Variants in TMEM232 observed in about 807,000 individuals in gnomAD.
TMEM232 encodes transmembrane protein 232.
TMEM232 carries 80 observed loss-of-function variants against 78.8 expected under a neutral mutation model. That is an observed-to-expected ratio of 1.01 (90% CI 0.85 to 1.22). TMEM232 has a LOEUF of 1.22. TMEM232 is among the 50% of genes most tolerant of loss of function. The pLI, the probability that TMEM232 is intolerant of heterozygous loss-of-function variation, is 0.00. For synonymous variants in TMEM232, 297 were observed against 254.3 expected, an observed-to-expected ratio of 1.17 and a Z score of -1.60; for missense variants, 881 against 742.2, an observed-to-expected ratio of 1.19 and a Z score of -2.17.
intron 12 of TMEM232, among the ~76,000 whole-genome samples, chr5:110,507,184 T>C (rs1485380082): frequency 3.3e-5 from 5 of 152,158 alleles, no homozygotes; most frequent in Non-Finnish European, 7.4e-5. Context: ...AACTGAACAA[T>C]ATAGGGGAAG....
intron 11 of TMEM232, among the ~76,000 whole-genome samples, chr5:110,529,543 G>A (rs754112993): frequency 1.3e-4 from 19 of 151,950 alleles, no homozygotes; most frequent in Non-Finnish European, 4.4e-5. Flanking sequence ...CACCATGCCC[G>A]GCCAAACAGA....
chr5:110,535,747 A>G (rs1772253489), intron 11 of TMEM232, among the ~76,000 whole-genome samples: 1 of 152,130 alleles, frequency 6.6e-6, no homozygotes, highest in African/African-American at 2.4e-5. Context: ...CAAAAAAATG[A>G]TGTCTTCTCA....
chr5:110,394,148 T>G (rs889590416), intron 3 of TMEM232, among the ~76,000 whole-genome samples: 20 of 152,262 alleles, frequency 1.3e-4, no homozygotes, highest in African/African-American at 4.6e-4. Context: ...TCTTTCTCCA[T>G]AAGTTCAATT....
chr5:110,697,153 A>C (rs1169576019), intron 1 of TMEM232, among the ~76,000 whole-genome samples: 1 of 152,194 alleles, frequency 6.6e-6, no homozygotes, highest in African/African-American at 2.4e-5. Flanking sequence ...GCATATCTGC[A>C]ACCATCTGAT....
At chr5:110,678,742 C>A (rs1384473492) in intron 1 of TMEM232, among the ~76,000 whole-genome samples, 1 of 151,750 alleles carries the variant, frequency 6.6e-6, no homozygotes, top group African/African-American at 2.4e-5. Flanking sequence ...TGTAGTTTTG[C>A]CTTTTCCAGA....
At chr5:110,520,541 C>G (rs1220418999) in intron 12 of TMEM232, among the ~76,000 whole-genome samples, 1 of 152,158 alleles carries the variant, frequency 6.6e-6, no homozygotes, top group East Asian at 1.9e-4. Flanking sequence ...TAACAGGACA[C>G]TATTAGACTA....
chr5:110,493,634 T>A (rs1580919355), intron 12 of TMEM232, among the ~76,000 whole-genome samples: 1 of 151,992 alleles, frequency 6.6e-6, no homozygotes, highest in Non-Finnish European at 1.5e-5. Flanking sequence ...ATGGAAAAAA[T>A]AACCTTAGAT....
chr5:110,439,638 G>A (rs758917982), intron 12 of TMEM232, among the ~76,000 whole-genome samples: 1 of 151,972 alleles, frequency 6.6e-6, no homozygotes, highest in Non-Finnish European at 1.5e-5. Context: ...TCCATATACA[G>A]TTCCTGTTGG....
chr5:110,433,012 C>A (rs1192274561), intron 12 of TMEM232, among the ~76,000 whole-genome samples: 1 of 151,710 alleles, frequency 6.6e-6, no homozygotes, highest in Admixed American at 6.6e-5. Flanking sequence ...TAAGAAAATA[C>A]TCTGATAGCC....
chr5:110,733,351 C>T (rs1161270993), intron 2 of TMEM232, among the ~76,000 whole-genome samples: 1 of 152,082 alleles, frequency 6.6e-6, no homozygotes, highest in Non-Finnish European at 1.5e-5. Context: ...AGGTATATAA[C>T]CAAAGGAATA....
At chr5:110,693,352 G>GA (rs923988043) in intron 1 of TMEM232, among the ~76,000 whole-genome samples, 1 of 152,128 alleles carries the variant, frequency 6.6e-6, no homozygotes, top group African/African-American at 2.4e-5. Context: ...CAAAGATGGG[G>GA]AAAAAACAGA....
At chr5:110,421,782 A>G (rs2112614544) in intron 13 of TMEM232, among the ~76,000 whole-genome samples, 1 of 152,336 alleles carries the variant, frequency 6.6e-6, no homozygotes, top group South Asian at 2.1e-4. Flanking sequence ...CGAATGCATT[A>G]AAATTGTGTA....
intron 1 of TMEM232, among the ~76,000 whole-genome samples, chr5:110,672,882 A>G (rs550301588): frequency 5.3e-5 from 8 of 152,272 alleles, no homozygotes; most frequent in African/African-American, 1.7e-4. Context: ...TGCATTGTGC[A>G]TTATTTTAAG....
intron 12 of TMEM232, among the ~76,000 whole-genome samples, chr5:110,524,373 A>G (rs866926578): frequency 2.8e-4 from 18 of 65,114 alleles, no homozygotes; most frequent in South Asian, 1.1e-3. Flanking sequence ...AAAAGAAAGA[A>G]AGAAAGAAAG....
chr5:110,543,552 G>T (rs1255891256), intron 11 of TMEM232, among the ~76,000 whole-genome samples: 2 of 152,042 alleles, frequency 1.3e-5, no homozygotes, highest in African/African-American at 2.4e-5. Context: ...ACTTCTCCAG[G>T]ACTGTTTTGT....
intron 12 of TMEM232, among the ~76,000 whole-genome samples, chr5:110,509,002 A>ATATGTATATATG (rs1554094397): frequency 9.2e-5 from 12 of 130,140 alleles, no homozygotes; most frequent in African/African-American, 3.0e-4. Context: ...ATATATGTAT[A>ATATGTATATATG]TATATATGTA....
chr5:110,500,717 T>C (rs62376080), intron 12 of TMEM232, among the ~76,000 whole-genome samples: 1 of 152,126 alleles, frequency 6.6e-6, no homozygotes, highest in African/African-American at 2.4e-5. Context: ...TATGGAATAA[T>C]GACAGCAAAT....
At chr5:110,728,814 G>C (rs559355235), upstream of TMEM232, among the ~76,000 whole-genome samples, 1 of 148,344 alleles carries the variant, frequency 6.7e-6, no homozygotes, top group East Asian at 2.0e-4. Flanking sequence ...TATGCTTTCA[G>C]AAACTATATC....
intron 11 of TMEM232, among the ~76,000 whole-genome samples, chr5:110,557,255 C>T (rs1157067704): frequency 6.6e-6 from 1 of 152,088 alleles, no homozygotes; most frequent in East Asian, 1.9e-4. Context: ...ACGGCTATTT[C>T]CTCTTTCAGC....
Sources: gnomAD v4.1 joint callset for allele counts (sites outside exome capture counted in the v4.1 genomes callset) on GRCh38, gnomAD v4.1.1 for gene constraint, MANE v1.5 for transcripts, NCBI Gene and HGNC (gene_info 2026-07-23, HGNC 2026-07-21) for gene names.